The following PMPCB variants were observed in gnomAD, a reference collection of about 807,000 sequenced individuals.
PMPCB encodes peptidase, mitochondrial processing subunit beta.
In PMPCB, 46 loss-of-function variants were observed where a neutral mutation model predicts 61.5. The ratio of observed to expected loss-of-function variants is 0.75; its 90% confidence interval spans 0.59 to 0.96. The LOEUF (loss-of-function observed/expected upper bound fraction) is 0.96. Among genes scored for constraint, PMPCB ranks in the 40% least tolerant of loss-of-function variants. The pLI is 0.00. For missense variants in PMPCB, 590 were observed against 602.4 expected, an observed-to-expected ratio of 0.98 and a Z score of 0.22; for synonymous variants, 191 against 201.6, an observed-to-expected ratio of 0.95 and a Z score of 0.44.
the PMPCB span, chr7:103,341,945 A>G: frequency 6.3e-7 from 1 of 1,595,312 alleles, no homozygotes; most frequent in Admixed American, 1.8e-5. Context: ...AACTTGACAG[A>G]GTGTAGAGGC....
chr7:103,332,480 C>T (rs145636898), downstream of PMPCB, among the ~76,000 whole-genome samples: 2 of 152,224 alleles, frequency 1.3e-5, no homozygotes, highest in East Asian at 3.9e-4. Flanking sequence ...ACCGATTCTC[C>T]AATTACAAAA....
At chr7:103,333,974 G>A (rs547510568), downstream of PMPCB, among the ~76,000 whole-genome samples, 4 of 147,528 alleles carry the variant, frequency 2.7e-5, no homozygotes, top group Non-Finnish European at 6.0e-5. Context: ...TTTTTGAGAC[G>A]GAGTCTCGCT....
chr7:103,344,985 C>A, the PMPCB span: 2 of 417,418 alleles, frequency 4.8e-6, no homozygotes, highest in Non-Finnish European at 8.4e-6. Context: ...AAAAGCAGTT[C>A]TTTTTATATT....
At chr7:103,322,027 C>T (rs1433703274) in intron 12 of PMPCB, 1 of 1,613,800 alleles carries the variant, frequency 6.2e-7, no homozygotes, top group Admixed American at 1.7e-5. Context: ...TGTCTGACTT[C>T]CTCCTCTTCT....
At chr7:103,307,877 C>T (rs1817630823) in intron 7 of PMPCB, among the ~76,000 whole-genome samples, 169 bp downstream of exon 7, 1 of 152,236 alleles carries the variant, frequency 6.6e-6, no homozygotes, top group Admixed American at 6.5e-5. Flanking sequence ...TATTCTTTAA[C>T]CACCTATTTT....
chr7:103,339,814 T>C, the PMPCB span, among the ~76,000 whole-genome samples: 1 of 151,936 alleles, frequency 6.6e-6, no homozygotes, highest in Non-Finnish European at 1.5e-5. Context: ...GACCTCTTTC[T>C]GAAGCAGTGA....
chr7:103,332,170 A>G (rs188659313), downstream of PMPCB, among the ~76,000 whole-genome samples: 1,303 of 151,954 alleles, frequency 8.6e-3, 11 homozygotes, highest in African/African-American at 0.029. Context: ...ACGCCTGCCT[A>G]ATTTTTTTGT....
At chr7:103,320,726 A>T (rs985983515) in intron 12 of PMPCB, 4 of 142,028 alleles carry the variant, frequency 2.8e-5, no homozygotes, top group African/African-American at 1.0e-4. Context: ...CCTGGGCGAC[A>T]GAGCAAGACT....
At position 103,298,722 on chromosome 7, in the gene PMPCB, G is replaced by A. The variant is rs774175762; in HGVS notation, c.240+14G>A. The A allele has an allele frequency of 1.9e-6, 3 of 1,610,104 alleles. No homozygotes were observed. On this transcript the variant is annotated intron_variant, in intron 2 of 12. Transcript: ENST00000249269. ...TCAACATGCACAGTAAGTGACTCAG[G>A]CAACCTTCTCTAAGTGACCCTTCAT... is the stretch of plus-strand genomic sequence containing the variant.
downstream of PMPCB, chr7:103,315,917 C>CT (rs771232487): frequency 6.5e-7 from 1 of 1,536,874 alleles, no homozygotes; most frequent in Admixed American, 1.8e-5. Context: ...ATCATTTAAT[C>CT]TTTCATTAAA....
At chr7:103,344,458 T>C in the PMPCB span, 1 of 1,376,360 alleles carries the variant, frequency 7.3e-7, no homozygotes, top group Non-Finnish European at 1.0e-6. Context: ...CCGGGGCTAG[T>C]CGCCAGGGTC....
chr7:103,313,063 GTTC>G lies in PMPCB; in HGVS notation c.*797_*799del. ...TTCAAAGCTTGTTCCAAAAGCTTCTGTTCTTCTGTTGTCCAAGGGGTGAAGTCT... is the reference window on the plus strand; with the variant it reads ...TTCAAAGCTTGTTCCAAAAGCTTCTGTTCTGTTGTCCAAGGGGTGAAGTCT... On this transcript the variant is annotated 3_prime_UTR_variant, in exon 13 of 13. Coordinates refer to ENST00000249269, the MANE Select transcript of PMPCB (RefSeq NM_004279.3). 1 of 1,613,900 alleles carries G rather than the reference GTTC, an allele frequency of 6.2e-7. No individual in the cohort carries two copies. Among genetic ancestry groups the G allele is most frequent in the Non-Finnish European group, 8.5e-7 (1 of 1,179,920 alleles).
At chr7:103,310,554 G>T in intron 9 of PMPCB, 79 bp downstream of exon 9, 1 of 1,102,454 alleles carries the variant, frequency 9.1e-7, no homozygotes, top group Non-Finnish European at 1.3e-6. Context: ...ACTTTATGGT[G>T]ATTTATGGTA....
chr7:103,323,117 AC>A (rs1408939973), intron 12 of PMPCB, among the ~76,000 whole-genome samples: 1 of 152,122 alleles, frequency 6.6e-6, no homozygotes, highest in Non-Finnish European at 1.5e-5. Flanking sequence ...TTTAGTAGAG[AC>A]AGGGTTTCGC....
At chr7:103,316,619 A>C, downstream of PMPCB, 1 of 499,884 alleles carries the variant, frequency 2.0e-6, no homozygotes, top group Non-Finnish European at 3.5e-6. Context: ...CTGAGAAACA[A>C]GTATTCTGTC....
At chr7:103,315,212 C>T (rs1817981838), downstream of PMPCB, among the ~76,000 whole-genome samples, 1 of 151,272 alleles carries the variant, frequency 6.6e-6, no homozygotes, top group African/African-American at 2.4e-5. Flanking sequence ...TGGTTTTGAA[C>T]CCTAACAATT....
intron 4 of PMPCB, among the ~76,000 whole-genome samples, chr7:103,302,612 G>A (rs1453588785): frequency 6.6e-6 from 1 of 152,202 alleles, no homozygotes; most frequent in Non-Finnish European, 1.5e-5. Flanking sequence ...TTTTGGTCAT[G>A]ATCTCAGCCA....
chr7:103,344,272 T>C, the PMPCB span: 1 of 508,780 alleles, frequency 2.0e-6, no homozygotes, highest in Non-Finnish European at 3.5e-6. Flanking sequence ...CTTTCTGGGG[T>C]GCTGGGGGGT....
chr7:103,344,632 G>A, the PMPCB span: 5 of 1,608,270 alleles, frequency 3.1e-6, no homozygotes, highest in African/African-American at 2.7e-5. Context: ...TGATGGCGCC[G>A]GGTCTAGCCC....
Sources: allele counts gnomAD v4.1 joint callset (sites outside exome capture counted in the v4.1 genomes callset), GRCh38; gene constraint gnomAD v4.1.1; transcripts MANE v1.5; gene names NCBI Gene and HGNC (gene_info 2026-07-23, HGNC 2026-07-21).